Variants in HNRNPR observed in about 807,000 individuals in gnomAD.
The protein encoded by HNRNPR is heterogeneous nuclear ribonucleoprotein R.
In HNRNPR, 4 loss-of-function variants were observed where a neutral mutation model predicts 70.3. The ratio of observed to expected loss-of-function variants is 0.06; its 90% confidence interval spans 0.03 to 0.13. The LOEUF (loss-of-function observed/expected upper bound fraction) is 0.13, where lower values mean the gene tolerates loss of function less well. Ranked by LOEUF, HNRNPR falls within the 10% of genes least tolerant of loss-of-function variation. HNRNPR has a pLI of 1.00. For synonymous variants in HNRNPR, 241 were observed against 267.6 expected, an observed-to-expected ratio of 0.90 and a Z score of 0.97; for missense variants, 423 against 788.5, an observed-to-expected ratio of 0.54 and a Z score of 5.55.
intron 7 of HNRNPR, among the ~76,000 whole-genome samples, chr1:23,320,824 T>G (rs191223794): frequency 1.3e-5 from 2 of 152,252 alleles, no homozygotes; most frequent in Admixed American, 1.3e-4. Context: ...AACTGTGATA[T>G]AAAATCTACT....
chr1:23,331,405 T>TAA (rs59528152), intron 5 of HNRNPR, among the ~76,000 whole-genome samples: 4,857 of 127,212 alleles, frequency 0.038, 327 homozygotes, highest in African/African-American at 0.14. Context: ...CACAAAAAAT[T>TAA]AAAAAAAAAA....
chr1:23,326,695 T>C (rs1256256629), intron 5 of HNRNPR, among the ~76,000 whole-genome samples: 1 of 152,154 alleles, frequency 6.6e-6, no homozygotes, highest in Non-Finnish European at 1.5e-5. Flanking sequence ...TGAGGCAGGA[T>C]AATTGCTTGA....
Position 23,304,957 on chromosome 1 carries a change from T to C in HNRNPR, c.*5497A>G, listed in dbSNP as rs1645181967. ...TAATGGGATTCACTAAGTACAAGTC[T>C]ACCTACATTATCGAAGAGGCTAGAG... On this transcript the variant is annotated 3_prime_UTR_variant, in exon 11 of 11. Coordinates refer to ENST00000302271, the MANE Select transcript of HNRNPR (RefSeq NM_005826.5). 1 of 152,184 alleles carries C rather than the reference T, an allele frequency of 6.6e-6. No homozygotes were observed. The highest frequency in any genetic ancestry group is 6.5e-5 in the Admixed American group (1 of 15,272). The allele number at this position is 152,184 out of a possible 1,614,324, so 9.4% of individuals were successfully genotyped here.
In HNRNPR at chr1:23,306,080, AAATAT is replaced by A. The variant is rs1374496324; in HGVS notation, c.*4369_*4373del. ...GTTAATCTATCCAACAAAATATAGA[AAATAT>A]AATACTAGACTGAAATGACAGTTAA... On this transcript the variant is annotated 3_prime_UTR_variant, in exon 11 of 11. Transcript: ENST00000302271. The A allele has an allele frequency of 5.9e-5, 9 of 152,320 alleles. No individual in the cohort carries two copies. The highest frequency in any genetic ancestry group is 1.3e-4 in the Admixed American group (2 of 15,306). The allele number at this position is 152,320 out of a possible 1,614,324, so 9.4% of individuals were successfully genotyped here. A position where few individuals can be genotyped will look rare whatever the true frequency, so the allele number is the denominator to read the frequency against.
chr1:23,331,715 T>G (rs765206790), intron 5 of HNRNPR, among the ~76,000 whole-genome samples: 3 of 151,016 alleles, frequency 2.0e-5, no homozygotes, highest in Non-Finnish European at 4.4e-5. Context: ...GAGTCCATAG[T>G]CCCAGCTACT....
intron 9 of HNRNPR, among the ~76,000 whole-genome samples, chr1:23,312,107 T>C (rs1382504739): frequency 6.6e-6 from 1 of 152,184 alleles, no homozygotes; most frequent in East Asian, 1.9e-4. Context: ...TCCCTATACC[T>C]TTCCCCACTC....
intron 2 of HNRNPR, among the ~76,000 whole-genome samples, chr1:23,340,198 C>T (rs893618603): frequency 5.9e-5 from 9 of 152,022 alleles, no homozygotes; most frequent in Non-Finnish European, 4.4e-5. Context: ...TTATGAACAA[C>T]GCTCCCTAAG....
chr1:23,309,489 T>C lies in HNRNPR; in HGVS notation c.*965A>G, dbSNP rs1265335585. On this transcript the variant is annotated 3_prime_UTR_variant, in exon 11 of 11. Transcript: ENST00000302271. ...ATTTGTTTTAATGCAAATTATCCAA[T>C]GCCTGCAAGAATGCTCAAAAGTCTA... is the stretch of plus-strand genomic sequence containing the variant. 6.6e-6 allele frequency: 1 copy of C among 150,726 alleles called. No homozygotes were observed. Among genetic ancestry groups the C allele is most frequent in the East Asian group, 1.9e-4 (1 of 5,142 alleles). 9.3% of individuals were successfully genotyped at this position (150,726 alleles called of 1,614,324 possible).
chr1:23,307,789 A>C lies in HNRNPR; in HGVS notation c.*2665T>G, dbSNP rs183361122. 1 of 152,116 alleles carries C rather than the reference A, an allele frequency of 6.6e-6. No homozygotes were observed. The highest frequency in any genetic ancestry group is 2.4e-5 in the African/African-American group (1 of 41,542). 9.4% of individuals were successfully genotyped at this position (152,116 alleles called of 1,614,324 possible). A position where few individuals can be genotyped will look rare whatever the true frequency, so the allele number is the denominator to read the frequency against. ...AGCTCTATACCTCAATATATTTCCC[A>C]ACACACACTTTACTGTAACAGGCTC... On this transcript the variant is annotated 3_prime_UTR_variant, in exon 11 of 11. Transcript: ENST00000302271.
chr1:23,314,124 T>C (rs993524857), intron 8 of HNRNPR, among the ~76,000 whole-genome samples: 1 of 152,036 alleles, frequency 6.6e-6, no homozygotes, highest in Non-Finnish European at 1.5e-5. Flanking sequence ...CCCTACCAAA[T>C]ATAAACAAAC....
chr1:23,319,782 C>G (rs1426154592), intron 7 of HNRNPR, among the ~76,000 whole-genome samples: 1 of 152,214 alleles, frequency 6.6e-6, no homozygotes, highest in African/African-American at 2.4e-5. Context: ...TTTAATAATA[C>G]TGGCCTCCTC....
chr1:23,314,676 A>C (rs1290285800), intron 8 of HNRNPR, among the ~76,000 whole-genome samples: 1 of 152,228 alleles, frequency 6.6e-6, no homozygotes, highest in East Asian at 1.9e-4. Flanking sequence ...GCAAAATTCA[A>C]AAGTTTGATT....
intron 5 of HNRNPR, among the ~76,000 whole-genome samples, chr1:23,327,434 T>C (rs1012501223): frequency 2.6e-5 from 4 of 152,188 alleles, no homozygotes; most frequent in Admixed American, 2.6e-4. Flanking sequence ...ATGTGTGCAA[T>C]CCTAGCACTT....
At chr1:23,323,774 G>C (rs189417115) in intron 5 of HNRNPR, 42 bp from the exon 6 acceptor site, 14 of 1,547,150 alleles carry the variant, frequency 9.0e-6, no homozygotes, top group Non-Finnish European at 1.2e-5. Context: ...ATAAGCATTT[G>C]ATTTTAGAGC....
rs534915292 is a variant in HNRNPR at position 23,308,557 on chromosome 1, G to C, written c.*1897C>G. ...TACATGGGCATAAGAAAAACAACTG[G>C]ATCTGTCTTACCAAAGAAATACCCA... On this transcript the variant is annotated 3_prime_UTR_variant, in exon 11 of 11. Transcript: ENST00000302271. 9 of 151,980 alleles carry C rather than the reference G, an allele frequency of 5.9e-5. No homozygotes were observed. Among genetic ancestry groups the C allele is most frequent in the Non-Finnish European group, 1.2e-4 (8 of 67,890 alleles). 9.4% of individuals were successfully genotyped at this position (151,980 alleles called of 1,614,324 possible). A position where few individuals can be genotyped will look rare whatever the true frequency, so the allele number is the denominator to read the frequency against.
intron 1 of HNRNPR, 77 bp from the exon 2 acceptor site, chr1:23,341,094 A>G (rs1646688397): frequency 9.2e-7 from 1 of 1,085,250 alleles, no homozygotes; most frequent in Non-Finnish European, 1.3e-6. Context: ...TGATTTATCT[A>G]AACTAATTTG....
intron 5 of HNRNPR, among the ~76,000 whole-genome samples, chr1:23,329,792 T>C (rs646317): frequency 0.31 from 46,870 of 151,990 alleles, 9,407 homozygotes; most frequent in African/African-American, 0.56. Context: ...CCACCATGCC[T>C]GGCTAATTTT....
chr1:23,335,197 C>T (rs914977826), intron 4 of HNRNPR, among the ~76,000 whole-genome samples: 3 of 152,218 alleles, frequency 2.0e-5, no homozygotes, highest in Non-Finnish European at 4.4e-5. Flanking sequence ...GGATTACAGG[C>T]GTGAGCCACA....
Position 23,308,968 on chromosome 1 carries a change from C to G in HNRNPR, c.*1486G>C, listed in dbSNP as rs1252011465. On this transcript the variant is annotated 3_prime_UTR_variant, in exon 11 of 11. Transcript: ENST00000302271. ...CGTAAGAATAAGATGGAGGGGAAAA[C>G]TTAATAGTAATTTGAAAGTGATTCA... 1 of 151,988 alleles carries G rather than the reference C, an allele frequency of 6.6e-6. No homozygotes were observed. The highest frequency in any genetic ancestry group is 2.4e-5 in the African/African-American group (1 of 41,418). The allele number at this position is 151,988 out of a possible 1,614,324, so 9.4% of individuals were successfully genotyped here.
Sources: allele counts gnomAD v4.1 joint callset (sites outside exome capture counted in the v4.1 genomes callset), GRCh38; gene constraint gnomAD v4.1.1; transcripts MANE v1.5; gene names NCBI Gene and HGNC (gene_info 2026-07-23, HGNC 2026-07-21).